The following MICALL1 variants were observed in gnomAD, a reference collection of about 807,000 sequenced individuals.
MICALL1 encodes the protein MICAL-like protein 1.
In MICALL1, 61 loss-of-function variants were observed where a neutral mutation model predicts 83.7. That is an observed-to-expected ratio of 0.73 (90% CI 0.59 to 0.90). MICALL1 has a LOEUF of 0.90. MICALL1 is among the 40% of genes least tolerant of loss of function. MICALL1 has a pLI of 0.00. For synonymous variants in MICALL1, 481 were observed against 473.6 expected (o/e 1.02, Z -0.20); for missense variants, 1,066 against 1,152.0 (o/e 0.93, Z 1.08).
chr22:37,932,006 C>T lies in MICALL1; in HGVS notation c.2016+73C>T. The T allele has an allele frequency of 6.4e-7, 1 of 1,563,422 alleles. No individual in the cohort carries two copies. Among genetic ancestry groups the T allele is most frequent in the South Asian group, 1.2e-5 (1 of 86,106 alleles). On this transcript the variant is annotated intron_variant, in intron 10 of 15. Transcript: ENST00000215957. The surrounding 1 kb of genome is among the most constrained non-coding windows in gnomAD (Gnocchi z 4.4). ...CCCCACTCTGCAGCTGCAGTCTTCC[C>T]CTGGGACTCTAAGGAGGCTGGCTGG...
chr22:37,922,341 C>A lies in MICALL1; in HGVS notation c.939C>A (p.Thr313=). 6.6e-7 allele frequency: 1 copy of A among 1,525,136 alleles called. No homozygotes were observed. 94.5% of individuals were successfully genotyped at this position (1,525,136 alleles called of 1,614,324 possible). ...PAPRKASEST[T]PAPPTPRPRS... ...CCAGGAAGGCCTCTGAGAGCACCAC[C>A]CCAGCACCCCCCACGCCCCGGCCCC... The change falls in exon 6 of 16, where the codon ACC becomes ACA. Residue 313 remains threonine, a synonymous_variant. Coordinates refer to ENST00000215957, the MANE Select transcript of MICALL1 (RefSeq NM_033386.4).
rs376904774 is a variant in MICALL1, at chr22:37,927,618, C to G, written c.1673C>G (p.Ser558Cys). The G allele has an allele frequency of 1.5e-5, 25 of 1,613,866 alleles. No homozygotes were observed. In the African/African-American group the frequency reaches 2.0e-4, roughly 13 times the overall value. Residue 558 changes from serine (S) to cysteine (C), a missense_variant, in exon 9 of 16, where the codon TCC (serine) becomes TGC (cysteine). Coordinates refer to ENST00000215957, the MANE Select transcript of MICALL1 (RefSeq NM_033386.4). ...AACCCTGTCAGCCTCTCTACCAACT[C>G]CTCCCTGGCCTCCTCTGGGGAACTA... The part of the protein sequence containing the change: ...PGNPVSLSTN[S>C]SLASSGELVE...
In MICALL1 at chr22:37,906,583, C is replaced by A; in HGVS notation, c.146+15C>A. ...CCCGACCTGCTGTGAGTGCGGGGCC[C>A]CGGGCGAGCGGGCGGCGCGGGGCGG... On this transcript the variant is annotated intron_variant, in intron 1 of 15. Transcript: ENST00000215957. This position sits in a 1 kb window ranked among gnomAD's most constrained non-coding sequence, Gnocchi z 4.4. 8.6e-7 allele frequency: 1 copy of A among 1,163,098 alleles called. No homozygotes were observed. Among genetic ancestry groups the A allele is most frequent in the East Asian group, 4.1e-5 (1 of 24,666 alleles). The allele number at this position is 1,163,098 out of a possible 1,614,324, so 72.0% of individuals were successfully genotyped here. A position where few individuals can be genotyped will look rare whatever the true frequency, so the allele number is the denominator to read the frequency against.
At chr22:37,935,686 G>A (rs543033015) in intron 13 of MICALL1, among the ~76,000 whole-genome samples, 3 of 151,808 alleles carry the variant, frequency 2.0e-5, no homozygotes, top group East Asian at 3.9e-4. Flanking sequence ...CCCAGTAGCT[G>A]GGATTACAGG....
intron 15 of MICALL1, 107 bp from the exon 16 acceptor site, chr22:37,940,602 G>A: frequency 7.1e-7 from 1 of 1,398,922 alleles, no homozygotes; most frequent in Non-Finnish European, 9.8e-7. Flanking sequence ...TGGTGGGGCT[G>A]GGCTGAGCCC....
At chr22:37,935,763 T>C (rs1170008583) in intron 13 of MICALL1, among the ~76,000 whole-genome samples, 1 of 145,456 alleles carries the variant, frequency 6.9e-6, no homozygotes, top group Non-Finnish European at 1.5e-5. Flanking sequence ...AGAGTCTCAC[T>C]CTGTTGCCCA....
chr22:37,911,949 C>T lies in MICALL1; in HGVS notation c.147-3C>T. 2.5e-6 allele frequency: 4 copies of T among 1,614,090 alleles called. No individual in the cohort carries two copies. Among genetic ancestry groups the T allele is most frequent in the Non-Finnish European group, 8.5e-7 (1 of 1,179,932 alleles). On this transcript the variant is annotated splice_polypyrimidine_tract_variant and splice_region_variant and intron_variant, in intron 1 of 15. Coordinates refer to ENST00000215957, the MANE Select transcript of MICALL1 (RefSeq NM_033386.4). ...CCAACCCTCCTCCCTTTGCCTCTTG[C>T]AGAGATTTTGATTCGCTTTCCAAGG...
At chr22:37,937,422 T>TTTC (rs1457595394) in intron 14 of MICALL1, among the ~76,000 whole-genome samples, 1 of 148,340 alleles carries the variant, frequency 6.7e-6, no homozygotes. Context: ...CCGCTGCTTT[T>TTTC]TTTTTTTTTT....
Position 37,924,777 on chromosome 22 carries a change from A to G in MICALL1, c.1082+60A>G, listed in dbSNP as rs1309453151. 1 of 1,560,424 alleles carries G rather than the reference A, an allele frequency of 6.4e-7. No individual in the cohort carries two copies. The highest frequency in any genetic ancestry group is 8.8e-7 in the Non-Finnish European group (1 of 1,138,726). On this transcript the variant is annotated intron_variant, in intron 7 of 15. Transcript: ENST00000215957. The surrounding 1 kb of genome is among the most constrained non-coding windows in gnomAD (Gnocchi z 5.2). Reference sequence around the variant, plus strand: ...AGGTCCTGGTGGTGGGAATCAGGGTACTCTGGGGCCGGGTAGGGAGAGAGG... The same window carrying G: ...AGGTCCTGGTGGTGGGAATCAGGGTGCTCTGGGGCCGGGTAGGGAGAGAGG...
chr22:37,911,479 C>T (rs1161948957), intron 1 of MICALL1, among the ~76,000 whole-genome samples: 1 of 152,150 alleles, frequency 6.6e-6, no homozygotes. Context: ...GCCTCAGTGT[C>T]CTCATCTATA....
chr22:37,939,485 A>G (rs1248864679), intron 15 of MICALL1, among the ~76,000 whole-genome samples: 3 of 152,186 alleles, frequency 2.0e-5, no homozygotes, highest in African/African-American at 7.2e-5. Flanking sequence ...CCTTTTAAAG[A>G]TAAATGGGGG....
In MICALL1 at chr22:37,906,380, G is replaced by T; in HGVS notation, c.-43G>T. ...CGGCGGCCGCCGTCCCGGCCAAGCCGGGGCCCCGAAGCCAGAGCCGGAGCC... is the reference window on the plus strand; with the variant it reads ...CGGCGGCCGCCGTCCCGGCCAAGCCTGGGCCCCGAAGCCAGAGCCGGAGCC... On this transcript the variant is annotated 5_prime_UTR_variant, in exon 1 of 16. Transcript: ENST00000215957. The surrounding 1 kb of genome is among the most constrained non-coding windows in gnomAD (Gnocchi z 4.4). 9.5e-7 allele frequency: 1 copy of T among 1,058,038 alleles called. No individual in the cohort carries two copies. 65.5% of individuals were successfully genotyped at this position (1,058,038 alleles called of 1,614,324 possible).
chr22:37,935,789 G>T (rs1265109200), intron 13 of MICALL1, among the ~76,000 whole-genome samples: 2 of 150,504 alleles, frequency 1.3e-5, no homozygotes, highest in Non-Finnish European at 1.5e-5. Flanking sequence ...GAGTGCAGTG[G>T]CGTGATCTGA....
At chr22:37,922,598 T>C (rs1247673923) in intron 6 of MICALL1, among the ~76,000 whole-genome samples, 172 bp downstream of exon 6, 2 of 89,712 alleles carry the variant, frequency 2.2e-5, no homozygotes, top group Admixed American at 2.4e-4. Flanking sequence ...TATATATATA[T>C]ATATTTTTTT....
chr22:37,911,964 G>A lies in MICALL1; in HGVS notation c.159G>A (p.Ser53=), dbSNP rs369045128. The A allele has an allele frequency of 6.8e-6, 11 of 1,613,936 alleles. No individual in the cohort carries two copies. The East Asian group carries it at 1.3e-4, about 20-fold the overall frequency. ...TTGCCTCTTGCAGAGATTTTGATTC[G>A]CTTTCCAAGGACAATGTCTTCGAGA... ...RHRPDLLDFD[S]LSKDNVFENN... Residue 53 remains serine, a synonymous_variant, in exon 2 of 16, where the codon TCG becomes TCA. Coordinates refer to ENST00000215957, the MANE Select transcript of MICALL1 (RefSeq NM_033386.4).
chr22:37,911,960 A>T lies in MICALL1; in HGVS notation c.155A>T (p.Asp52Val). The T allele has an allele frequency of 6.2e-7, 1 of 1,613,962 alleles. No homozygotes were observed. The highest frequency in any genetic ancestry group is 8.5e-7 in the Non-Finnish European group (1 of 1,180,010). Residue 52 changes from aspartate (D) to valine (V), a missense_variant, in exon 2 of 16, where the codon GAT (aspartate) becomes GTT (valine). Asp to Val is a radical substitution (Grantham distance 152). Coordinates refer to ENST00000215957, the MANE Select transcript of MICALL1 (RefSeq NM_033386.4). ...CCCTTTGCCTCTTGCAGAGATTTTG[A>T]TTCGCTTTCCAAGGACAATGTCTTC... is the stretch of plus-strand genomic sequence containing the variant. ...HRHRPDLLDF[D>V]SLSKDNVFEN... is the part of the protein sequence containing the mutation.
At chr22:37,914,033 G>C (rs761188936) in intron 3 of MICALL1, among the ~76,000 whole-genome samples, 6 of 150,750 alleles carry the variant, frequency 4.0e-5, no homozygotes, top group Non-Finnish European at 7.4e-5. Flanking sequence ...GCACCAACAT[G>C]TCCGGCTAAT....
At chr22:37,907,149 A>C (rs1264453277) in intron 1 of MICALL1, 1 of 152,790 alleles carries the variant, frequency 6.5e-6, no homozygotes, top group Non-Finnish European at 1.5e-5. Context: ...TGCTTTCCCC[A>C]CGCCCCCCAA....
In MICALL1 at chr22:37,917,790, G is replaced by T; in HGVS notation, c.421G>T (p.Ala141Ser). 1 of 1,613,716 alleles carries T rather than the reference G, an allele frequency of 6.2e-7. No individual in the cohort carries two copies. The highest frequency in any genetic ancestry group is 8.5e-7 in the Non-Finnish European group (1 of 1,179,774). The change falls in exon 4 of 16, where the codon GCT becomes TCT. Residue 141 changes from alanine (A) to serine (S), a missense_variant. Ala to Ser is a moderately conservative substitution (Grantham distance 99). Coordinates refer to ENST00000215957, the MANE Select transcript of MICALL1 (RefSeq NM_033386.4). ...CACTCCAGTGGAACCAGAAGATGTGGCTCAGGTAGGCAGATACCTGGAGAG... is the reference window on the plus strand; with the variant it reads ...CACTCCAGTGGAACCAGAAGATGTGTCTCAGGTAGGCAGATACCTGGAGAG... ...APTPVEPEDV[A>S]QGEELSSGSL...
Sources: gnomAD v4.1 joint callset for allele counts (sites outside exome capture counted in the v4.1 genomes callset) on GRCh38, gnomAD v4.1.1 for gene constraint, Gnocchi (gnomAD v3.1) non-coding constraint, MANE v1.5 for transcripts, NCBI Gene and HGNC (gene_info 2026-07-23, HGNC 2026-07-21) for gene names.